The following MEMO1 variants were observed in gnomAD, a reference collection of about 807,000 sequenced individuals.
The protein encoded by MEMO1 is mediator of cell motility 1.
A neutral mutation model predicts 45.2 loss-of-function variants in MEMO1; 6 were observed. The ratio of observed to expected loss-of-function variants is 0.13; its 90% CI spans 0.07 to 0.26. The LOEUF (loss-of-function observed/expected upper bound fraction) is 0.26, where lower values mean the gene tolerates loss of function less well. Among genes scored for constraint, MEMO1 ranks in the 10% least tolerant of loss-of-function variants. The probability of loss-of-function intolerance (pLI) is 1.00; values close to 1 mark genes in which losing one functional copy is unlikely to be tolerated. For missense variants in MEMO1, 184 were observed against 370.5 expected (o/e 0.50, Z 4.13); for synonymous variants, 78 against 124.3 (o/e 0.63, Z 2.48).
intron 2 of MEMO1, among the ~76,000 whole-genome samples, chr2:31,945,200 TA>T (rs1666055708): frequency 6.6e-6 from 1 of 152,238 alleles, no homozygotes; most frequent in Non-Finnish European, 1.5e-5. Flanking sequence ...CAAGTTGATA[TA>T]TGTTGCCCTA....
intron 6 of MEMO1, among the ~76,000 whole-genome samples, chr2:31,905,971 CTTT>C: frequency 6.6e-6 from 1 of 151,812 alleles, no homozygotes; most frequent in South Asian, 2.1e-4. Context: ...TTCTTTTTTT[CTTT>C]ATTTTTTTTT....
chr2:31,882,348 T>C (rs1279590819), intron 8 of MEMO1, among the ~76,000 whole-genome samples: 1 of 151,996 alleles, frequency 6.6e-6, no homozygotes, highest in African/African-American at 2.4e-5. Context: ...TATCTTAATA[T>C]GCATGCTTAA....
chr2:31,895,028 A>C (rs1435610489), intron 6 of MEMO1, among the ~76,000 whole-genome samples: 1 of 152,228 alleles, frequency 6.6e-6, no homozygotes, highest in Non-Finnish European at 1.5e-5. Context: ...AAAATTAAAA[A>C]TTAAGAAGTT....
At chr2:31,982,546 G>A (rs1205081310) in intron 2 of MEMO1, among the ~76,000 whole-genome samples, 17 of 143,544 alleles carry the variant, frequency 1.2e-4, no homozygotes, top group South Asian at 2.2e-4. Flanking sequence ...GCAAGATCGC[G>A]CCACTGCACT....
At chr2:31,932,446 T>TG (rs1206839035) in intron 3 of MEMO1, among the ~76,000 whole-genome samples, 2 of 150,132 alleles carry the variant, frequency 1.3e-5, no homozygotes, top group Non-Finnish European at 3.0e-5. Flanking sequence ...TTGTTGTTGT[T>TG]TTTTTTTTTT....
chr2:31,972,489 T>G (rs1489954560), intron 2 of MEMO1, among the ~76,000 whole-genome samples: 1 of 152,122 alleles, frequency 6.6e-6, no homozygotes, highest in Non-Finnish European at 1.5e-5. Context: ...GGCAGGTGGA[T>G]CACTTGAGGT....
Position 31,932,067 on chromosome 2 carries a change from G to A in MEMO1, c.212C>T (p.Thr71Ile), listed in dbSNP as rs1664246016. ...HAYKQVDPSI[T>I]RRIFILGPSH... ...CTTAAAACAAAACTACATTACTTACGTAATAGACGGATCCACTTGTTTATA... is the reference window on the plus strand; with the variant it reads ...CTTAAAACAAAACTACATTACTTACATAATAGACGGATCCACTTGTTTATA... Residue 71 changes from threonine (T) to isoleucine (I), a missense_variant and splice_region_variant, in exon 4 of 10, where the codon ACC becomes ATC. Physicochemically the swap from Thr to Ile is moderately conservative, Grantham distance 89. Around this residue, in one of 3 missense-constraint regions of MEMO1, gnomAD observed 60 missense variants for 79.2 expected, o/e 0.76. Transcript: ENST00000404530. 12 of 1,612,122 alleles carry A rather than the reference G, an allele frequency of 7.4e-6. No individual in the cohort carries two copies. The highest frequency in any genetic ancestry group is 1.3e-5 in the African/African-American group (1 of 74,880).
At chr2:31,969,572 GGGGT>G (rs1434008950) in intron 2 of MEMO1, among the ~76,000 whole-genome samples, 1 of 108,542 alleles carries the variant, frequency 9.2e-6, no homozygotes, top group South Asian at 2.7e-4. Flanking sequence ...ATCTTTTCTG[GGGGT>G]GTGTGTGTGG....
At chr2:31,877,697 T>C (rs1313929293) in intron 8 of MEMO1, among the ~76,000 whole-genome samples, 1 of 152,194 alleles carries the variant, frequency 6.6e-6, no homozygotes, top group East Asian at 1.9e-4. Flanking sequence ...TGTGTAAGTG[T>C]GTATTTGAAG....
Position 31,971,928 on chromosome 2 carries a change from C to A in MEMO1, c.62-28545G>T, listed in dbSNP as rs576322259. Among the ~76,000 whole-genome samples, 236 of 152,174 alleles carry A rather than the reference C, an allele frequency of 1.6e-3. 1 individual carries two copies. The highest frequency in any genetic ancestry group is 5.1e-3 in the African/African-American group (213 of 41,510). On this transcript the variant is annotated intron_variant, in intron 2 of 9. Transcript: ENST00000404530. The stretch of plus-strand genomic sequence containing the variant: ...GAGGTTGCAGTGAGCCAAGATCGTG[C>A]CACTGCACTCCATCCTGGCCGTCAG...
chr2:32,008,359 G>A (rs565281056), intron 2 of MEMO1, among the ~76,000 whole-genome samples: 3 of 152,374 alleles, frequency 2.0e-5, no homozygotes, highest in Admixed American at 2.0e-4. Context: ...GCCCAGGCGG[G>A]AGGATCACGA....
Position 31,932,011 on chromosome 2 carries a change from A to C in MEMO1, c.212+56T>G. 2.0e-6 allele frequency: 3 copies of C among 1,478,640 alleles called. No homozygotes were observed. In the South Asian group the frequency reaches 3.5e-5, roughly 17 times the overall value. 91.6% of individuals were successfully genotyped at this position (1,478,640 alleles called of 1,614,324 possible). On this transcript the variant is annotated intron_variant, in intron 4 of 9. Coordinates refer to ENST00000404530, the MANE Select transcript of MEMO1 (RefSeq NM_001301833.4). ...AGTATAAAAAGCAAATTACTTCTAT[A>C]ACAAAGCAATAAATTCTCAAGCTTC...
chr2:31,935,596 C>G (rs959620104), intron 3 of MEMO1, among the ~76,000 whole-genome samples: 3 of 151,830 alleles, frequency 2.0e-5, no homozygotes, highest in Admixed American at 6.6e-5. Context: ...TACCCCACCA[C>G]AAAGAACTCT....
intron 7 of MEMO1, 141 bp from the exon 8 acceptor site, chr2:31,883,603 T>C: frequency 5.1e-6 from 3 of 585,918 alleles, no homozygotes; most frequent in Non-Finnish European, 8.9e-6. Flanking sequence ...CCAAGAGCCC[T>C]TGTACATAAA....
At chr2:31,948,560 A>G (rs1455140049) in intron 2 of MEMO1, among the ~76,000 whole-genome samples, 12 of 152,352 alleles carry the variant, frequency 7.9e-5, no homozygotes, top group Non-Finnish European at 1.8e-4. Flanking sequence ...AATAAGCCAG[A>G]GTGTTTTAAA....
intron 8 of MEMO1, among the ~76,000 whole-genome samples, chr2:31,878,913 A>G (rs1674956169): frequency 6.6e-6 from 1 of 152,190 alleles, no homozygotes; most frequent in South Asian, 2.1e-4. Flanking sequence ...GTAACACAAG[A>G]AAGGTTAAAC....
chr2:31,893,325 T>G (rs1235379419), intron 6 of MEMO1: 1 of 1,186,088 alleles, frequency 8.4e-7, no homozygotes, highest in Non-Finnish European at 1.1e-6. Context: ...TCTGCATCTA[T>G]GGAGTAAGAG....
intron 2 of MEMO1, among the ~76,000 whole-genome samples, chr2:31,950,112 G>A (rs968801533): frequency 6.6e-6 from 1 of 152,164 alleles, no homozygotes; most frequent in Admixed American, 6.5e-5. Context: ...CGGGCGCAGT[G>A]GCTCACGCCT....
chr2:31,901,494 T>C (rs1440306563), intron 6 of MEMO1, among the ~76,000 whole-genome samples: 1 of 151,598 alleles, frequency 6.6e-6, no homozygotes, highest in African/African-American at 2.4e-5. Context: ...ATTCCATTTA[T>C]ATGAAATTTC....
Sources: gnomAD v4.1 joint callset for allele counts (sites outside exome capture counted in the v4.1 genomes callset) on GRCh38, gnomAD v4.1.1 for gene constraint, gnomAD v4.1.1 regional missense constraint, MANE v1.5 for transcripts, NCBI Gene and HGNC (gene_info 2026-07-23, HGNC 2026-07-21) for gene names.